ZNF136: variants seen among roughly 807,000 people sequenced by gnomAD.
The protein encoded by ZNF136 is zinc finger protein 136 (clone pHZ-20).
Under a neutral mutation model 11.4 loss-of-function variants are expected in ZNF136, and 8 were observed. The observed-to-expected ratio is 0.70, with a 90% CI of 0.41 to 1.27. The LOEUF (loss-of-function observed/expected upper bound fraction) is 1.27. ZNF136 is among the 50% of genes most tolerant of loss of function. The pLI, the probability that ZNF136 is intolerant of heterozygous loss-of-function variation, is 0.01. For synonymous variants in ZNF136, 190 were observed against 207.1 expected (o/e 0.92, Z 0.71); for missense variants, 590 against 656.5 (o/e 0.90, Z 1.11).
At chr19:12,180,892 T>A (rs1914922730) in intron 1 of ZNF136, among the ~76,000 whole-genome samples, 2 of 152,230 alleles carry the variant, frequency 1.3e-5, no homozygotes, top group Admixed American at 1.3e-4. Flanking sequence ...TAGAACCACG[T>A]TGGATCCCTG....
chr19:12,176,071 A>G (rs1914783428), intron 1 of ZNF136, among the ~76,000 whole-genome samples: 3 of 152,122 alleles, frequency 2.0e-5, no homozygotes, highest in African/African-American at 7.2e-5. Context: ...CCATTTGTCT[A>G]CTGTAAGGCA....
chr19:12,186,064 T>C lies in ZNF136; in HGVS notation c.131-50T>C. On this transcript the variant is annotated intron_variant, in intron 2 of 3. Coordinates refer to ENST00000343979, the MANE Select transcript of ZNF136 (RefSeq NM_003437.5). Reference sequence around the variant, plus strand: ...TATCATGAACCTAGAATCTAATAATTTTTCTATAATTTTGCACTAATTCAG... The same window carrying C: ...TATCATGAACCTAGAATCTAATAATCTTTCTATAATTTTGCACTAATTCAG... 3 of 1,591,196 alleles carry C rather than the reference T, an allele frequency of 1.9e-6. No homozygotes were observed. In the South Asian group the frequency reaches 3.5e-5, roughly 18 times the overall value.
chr19:12,172,791 A>T (rs1914693186), intron 1 of ZNF136, among the ~76,000 whole-genome samples: 1 of 152,178 alleles, frequency 6.6e-6, no homozygotes. Flanking sequence ...AGGCAGGCGG[A>T]TCACGAGGTC....
chr19:12,172,871 G>A (rs182073426), intron 1 of ZNF136, among the ~76,000 whole-genome samples: 33 of 152,098 alleles, frequency 2.2e-4, no homozygotes, highest in Admixed American at 1.2e-3. Flanking sequence ...AATGAGCTGG[G>A]TGTGATGGTG....
chr19:12,184,342 C>T (rs1238074881), intron 1 of ZNF136, among the ~76,000 whole-genome samples: 4 of 151,748 alleles, frequency 2.6e-5, no homozygotes, highest in African/African-American at 7.3e-5. Flanking sequence ...GGGCAGATCA[C>T]GAGGTCAGGA....
At chr19:12,186,482 A>T in intron 3 of ZNF136, 88 bp from the exon 4 acceptor site, 1 of 1,146,746 alleles carries the variant, frequency 8.7e-7, no homozygotes, top group Non-Finnish European at 1.2e-6. Flanking sequence ...TCTACGCTTT[A>T]CCTGATAATA....
intron 1 of ZNF136, among the ~76,000 whole-genome samples, chr19:12,174,375 G>A (rs537734071): frequency 2.6e-5 from 4 of 152,086 alleles, no homozygotes; most frequent in East Asian, 3.9e-4. Flanking sequence ...TCCCTGTGTC[G>A]AAGTATCTGT....
chr19:12,166,828 T>C (rs1384098197), intron 1 of ZNF136, among the ~76,000 whole-genome samples: 2 of 152,208 alleles, frequency 1.3e-5, no homozygotes, highest in African/African-American at 4.8e-5. Context: ...ATGGGTATTT[T>C]CTTTAAATAT....
At chr19:12,177,317 G>A (rs1003853776) in intron 1 of ZNF136, among the ~76,000 whole-genome samples, 5 of 152,204 alleles carry the variant, frequency 3.3e-5, no homozygotes, top group East Asian at 1.9e-4. Context: ...TCTGGGCTAC[G>A]TCCCACTTAA....
At position 12,187,538 on chromosome 19, in the gene ZNF136, C is replaced by G; in HGVS notation, c.1160C>G (p.Thr387Ser). The change falls in exon 4 of 4, where the codon ACT becomes AGT. Residue 387 changes from threonine (T) to serine (S), a missense_variant. By Grantham distance (58) the Thr-to-Ser change is moderately conservative (BLOSUM62 1). Coordinates refer to ENST00000343979, the MANE Select transcript of ZNF136 (RefSeq NM_003437.5). ...ATGCGAAGACACATGATAAAACATA[C>G]TGGAGAAGGACCTTATAAATGTAAG... ...PSMRRHMIKH[T>S]GEGPYKCKVC... 6.2e-7 allele frequency: 1 copy of G among 1,613,938 alleles called. No homozygotes were observed. Among genetic ancestry groups the G allele is most frequent in the Non-Finnish European group, 8.5e-7 (1 of 1,179,970 alleles).
At chr19:12,180,196 A>T (rs1038881669) in intron 1 of ZNF136, among the ~76,000 whole-genome samples, 1 of 152,218 alleles carries the variant, frequency 6.6e-6, no homozygotes, top group Non-Finnish European at 1.5e-5. Context: ...AGTCTCCCTT[A>T]TTAGTCAAAT....
chr19:12,166,299 A>G (rs1977185981), intron 1 of ZNF136, among the ~76,000 whole-genome samples: 1 of 152,066 alleles, frequency 6.6e-6, no homozygotes, highest in Non-Finnish European at 1.5e-5. Flanking sequence ...TTCCCAGATC[A>G]TGTGTAGTAT....
At chr19:12,177,973 G>A (rs1229891089) in intron 1 of ZNF136, among the ~76,000 whole-genome samples, 2 of 152,132 alleles carry the variant, frequency 1.3e-5, no homozygotes, top group Non-Finnish European at 2.9e-5. Flanking sequence ...GCTGAGCATT[G>A]TGGCATGTAC....
Position 12,163,097 on chromosome 19 carries a change from C to G in ZNF136, c.-107C>G, listed in dbSNP as rs753036583. 1.6e-6 allele frequency: 2 copies of G among 1,279,278 alleles called. No individual in the cohort carries two copies. The highest frequency in any genetic ancestry group is 1.5e-5 in the African/African-American group (1 of 65,324). 79.2% of individuals were successfully genotyped at this position (1,279,278 alleles called of 1,614,324 possible). On this transcript the variant is annotated 5_prime_UTR_variant, in exon 1 of 4. Coordinates refer to ENST00000343979, the MANE Select transcript of ZNF136 (RefSeq NM_003437.5). ...GTCTGCCGTACTTGGTTTCGCTTCGCTAGTCCCAGAGGCCCAGAGTGGCTC... is the reference window on the plus strand; with the variant it reads ...GTCTGCCGTACTTGGTTTCGCTTCGGTAGTCCCAGAGGCCCAGAGTGGCTC...
chr19:12,178,882 G>A (rs538230871), intron 1 of ZNF136, among the ~76,000 whole-genome samples: 22 of 151,896 alleles, frequency 1.4e-4, no homozygotes, highest in Non-Finnish European at 2.6e-4. Flanking sequence ...CCTGCTACTC[G>A]GGAGGCTGAG....
At chr19:12,186,031 T>G (rs1273189119) in intron 2 of ZNF136, 83 bp from the exon 3 acceptor site, 1 of 1,593,088 alleles carries the variant, frequency 6.3e-7, no homozygotes, top group Non-Finnish European at 8.6e-7. Flanking sequence ...ACAGGCATAG[T>G]CACAGGGTAT....
rs1371354107 is a variant in ZNF136 at position 12,189,717 on chromosome 19, C to G, written c.*1716C>G. 2 of 151,974 alleles carry G rather than the reference C, an allele frequency of 1.3e-5. No homozygotes were observed. Among genetic ancestry groups the G allele is most frequent in the Non-Finnish European group, 1.5e-5 (1 of 68,016 alleles). The allele number at this position is 151,974 out of a possible 1,614,324, so 9.4% of individuals were successfully genotyped here. On this transcript the variant is annotated 3_prime_UTR_variant, in exon 4 of 4. Coordinates refer to ENST00000343979, the MANE Select transcript of ZNF136 (RefSeq NM_003437.5). Reference sequence around the variant, plus strand: ...TCCTATTAAAGAGTTGTTGTTAATTCTAAGTATGTAAAGTTTATCACAGAC... The same window carrying G: ...TCCTATTAAAGAGTTGTTGTTAATTGTAAGTATGTAAAGTTTATCACAGAC...
At position 12,187,817 on chromosome 19, in the gene ZNF136, G is replaced by A. The variant is rs201676555; in HGVS notation, c.1439G>A (p.Arg480Gln). ...GGTGAGAAACCCTTTGAATGTAAGCGATGTGGTAAAGCCTTTAGATCTTCT... is the reference window on the plus strand; with the variant it reads ...GGTGAGAAACCCTTTGAATGTAAGCAATGTGGTAAAGCCTTTAGATCTTCT... ...HTGEKPFECK[R>Q]CGKAFRSSSS... Residue 480 changes from arginine to glutamine, a missense_variant, in exon 4 of 4, where the codon CGA (arginine) becomes CAA (glutamine). Arg to Gln is a conservative substitution (Grantham distance 43, BLOSUM62 1). Coordinates refer to ENST00000343979, the MANE Select transcript of ZNF136 (RefSeq NM_003437.5). 2.7e-4 allele frequency: 440 copies of A among 1,606,062 alleles called. 1 individual carries two copies. The highest frequency in any genetic ancestry group is 3.6e-4 in the Non-Finnish European group (421 of 1,177,206).
At chr19:12,183,947 C>T (rs1431423178) in intron 1 of ZNF136, among the ~76,000 whole-genome samples, 2 of 152,180 alleles carry the variant, frequency 1.3e-5, no homozygotes, top group African/African-American at 4.8e-5. Flanking sequence ...TTGGTGAATT[C>T]ACCAATTTAT....
Sources: allele counts gnomAD v4.1 joint callset (sites outside exome capture counted in the v4.1 genomes callset), GRCh38; gene constraint gnomAD v4.1.1; transcripts MANE v1.5; gene names NCBI Gene and HGNC (gene_info 2026-07-23, HGNC 2026-07-21).